Variants in SPOCK3 observed in about 807,000 individuals in gnomAD.
The protein encoded by SPOCK3 is testican-3.
In SPOCK3, 30 loss-of-function variants were observed where a neutral mutation model predicts 56.6. That is an observed-to-expected ratio of 0.53 (90% confidence interval 0.40 to 0.72). The LOEUF (loss-of-function observed/expected upper bound fraction) is 0.72, where lower values mean the gene tolerates loss of function less well. SPOCK3 is among the 30% of genes least tolerant of loss of function. SPOCK3 has a pLI of 0.00. For synonymous variants in SPOCK3, 196 were observed against 183.3 expected, an observed-to-expected ratio of 1.07 and a Z score of -0.56; for missense variants, 527 against 530.0, an observed-to-expected ratio of 0.99 and a Z score of 0.06.
rs546074756 is a variant in SPOCK3, at chr4:166,866,808, TA to T, written c.589+22321del. The stretch of plus-strand genomic sequence containing the variant: ...ACCTGCAAATATAAATAGGTTTCTC[TA>T]TTGAAAATCATTTTTAATCTTCATG... On this transcript the variant is annotated intron_variant, in intron 6 of 10. Coordinates refer to ENST00000357545, the MANE Select transcript of SPOCK3 (RefSeq NM_001040159.2). 2.8e-3 allele frequency among the ~76,000 whole-genome samples: 421 copies of T among 152,208 alleles called. 1 individual carries two copies. The highest frequency in any genetic ancestry group is 9.6e-3 in the African/African-American group (398 of 41,554).
chr4:166,835,399 C>T (rs1383386924), intron 6 of SPOCK3, among the ~76,000 whole-genome samples: 1 of 151,950 alleles, frequency 6.6e-6, no homozygotes, highest in African/African-American at 2.4e-5. Context: ...CCAAAGGAAA[C>T]AAAACAAATC....
At chr4:167,198,541 T>C (rs1234818514) in intron 2 of SPOCK3, among the ~76,000 whole-genome samples, 1 of 152,212 alleles carries the variant, frequency 6.6e-6, no homozygotes, top group Non-Finnish European at 1.5e-5. Context: ...ATTTGGTTGA[T>C]ACAAGGCCAG....
At position 166,900,309 on chromosome 4, in the gene SPOCK3, G is replaced by A. The variant is rs141560042; in HGVS notation, c.475-11065C>T. Among the ~76,000 whole-genome samples, 592 of 152,122 alleles carry A rather than the reference G, an allele frequency of 3.9e-3. 5 individuals carry two copies. Among genetic ancestry groups the A allele is most frequent in the African/African-American group, 0.014 (568 of 41,514 alleles). On this transcript the variant is annotated intron_variant, in intron 5 of 10. Coordinates refer to ENST00000357545, the MANE Select transcript of SPOCK3 (RefSeq NM_001040159.2). ...GTAGTTAAGCACTTTTCATGCTCCCGACCACCCACAAGAATCTGATATTGT... is the reference window on the plus strand; with the variant it reads ...GTAGTTAAGCACTTTTCATGCTCCCAACCACCCACAAGAATCTGATATTGT...
At chr4:166,741,117 T>G (rs1431732181) in intron 9 of SPOCK3, among the ~76,000 whole-genome samples, 1 of 152,178 alleles carries the variant, frequency 6.6e-6, no homozygotes, top group Non-Finnish European at 1.5e-5. Context: ...TGCCATTAAA[T>G]ACACGAGTGT....
intron 3 of SPOCK3, among the ~76,000 whole-genome samples, chr4:167,031,540 A>G (rs1752273676): frequency 6.6e-6 from 1 of 152,058 alleles, no homozygotes; most frequent in South Asian, 2.1e-4. Flanking sequence ...TGTTAAGTGA[A>G]CAGGGCAGAA....
rs1032568861 is a variant in SPOCK3 at position 166,734,348 on chromosome 4, T to G, written c.*573A>C. 1 of 151,890 alleles carries G rather than the reference T, an allele frequency of 6.6e-6. No individual in the cohort carries two copies. Among genetic ancestry groups the G allele is most frequent in the African/African-American group, 2.4e-5 (1 of 41,434 alleles). The allele number at this position is 151,890 out of a possible 1,614,324, so 9.4% of individuals were successfully genotyped here. On this transcript the variant is annotated 3_prime_UTR_variant, in exon 11 of 11. Transcript: ENST00000357545. Reference sequence around the variant, plus strand: ...AATGTCCTATTAGATCCAGAATAATTTCATAGGTAAAAACACCACTATTAA... The same window carrying G: ...AATGTCCTATTAGATCCAGAATAATGTCATAGGTAAAAACACCACTATTAA...
intron 2 of SPOCK3, among the ~76,000 whole-genome samples, chr4:167,201,409 A>G (rs1733504194): frequency 6.6e-6 from 1 of 151,974 alleles, no homozygotes; most frequent in Admixed American, 6.6e-5. Flanking sequence ...GAGAATTGGG[A>G]AGACAAAAAT....
chr4:166,764,873 A>G (rs1737763761), intron 7 of SPOCK3, among the ~76,000 whole-genome samples: 1 of 151,092 alleles, frequency 6.6e-6, no homozygotes, highest in Admixed American at 6.6e-5. Flanking sequence ...CTTTTTAATG[A>G]TCACCATTCT....
intron 2 of SPOCK3, among the ~76,000 whole-genome samples, chr4:167,063,702 G>C (rs970788858): frequency 6.6e-6 from 1 of 151,638 alleles, no homozygotes; most frequent in Non-Finnish European, 1.5e-5. Flanking sequence ...CAAGTATCTC[G>C]TGTATTATTT....
chr4:166,859,659 T>A (rs866333076), intron 6 of SPOCK3, among the ~76,000 whole-genome samples: 1 of 152,084 alleles, frequency 6.6e-6, no homozygotes, highest in Admixed American at 6.6e-5. Context: ...AAAATTATTA[T>A]TATGAATCAG....
intron 2 of SPOCK3, among the ~76,000 whole-genome samples, chr4:167,151,086 G>A (rs577548625): frequency 2.1e-4 from 32 of 152,266 alleles, no homozygotes; most frequent in African/African-American, 6.0e-4. Context: ...CTCAAATTGC[G>A]CTGCAAATTA....
At chr4:167,073,014 A>G (rs904194615) in intron 2 of SPOCK3, among the ~76,000 whole-genome samples, 1 of 151,790 alleles carries the variant, frequency 6.6e-6, no homozygotes, top group Admixed American at 6.6e-5. Flanking sequence ...CAAAATAACA[A>G]TACCAATATT....
At chr4:166,789,339 G>C (rs1396983521) in intron 7 of SPOCK3, among the ~76,000 whole-genome samples, 1 of 151,948 alleles carries the variant, frequency 6.6e-6, no homozygotes. Context: ...TAAGGTAGGA[G>C]AATCACCTGA....
intron 2 of SPOCK3, among the ~76,000 whole-genome samples, chr4:167,227,387 A>G (rs1736696128): frequency 6.6e-6 from 1 of 152,202 alleles, no homozygotes; most frequent in Admixed American, 6.5e-5. Flanking sequence ...ATAAAAGACA[A>G]CACAGCTCTA....
intron 2 of SPOCK3, among the ~76,000 whole-genome samples, chr4:167,151,574 A>G (rs888029315): frequency 6.6e-6 from 1 of 151,922 alleles, no homozygotes; most frequent in African/African-American, 2.4e-5. Context: ...AGGTGGGACT[A>G]CAGGCACCCG....
At chr4:167,098,519 C>G (rs548832792) in intron 2 of SPOCK3, among the ~76,000 whole-genome samples, 1 of 152,014 alleles carries the variant, frequency 6.6e-6, no homozygotes, top group South Asian at 2.1e-4. Flanking sequence ...TTAAAATTTT[C>G]AAAAATAATG....
intron 4 of SPOCK3, among the ~76,000 whole-genome samples, chr4:166,919,826 T>C (rs535664650): frequency 7.9e-5 from 12 of 152,196 alleles, no homozygotes; most frequent in African/African-American, 2.9e-4. Context: ...AAAAGCTATG[T>C]ATAGTTATCA....
chr4:166,846,646 A>G (rs1038312095), intron 6 of SPOCK3, among the ~76,000 whole-genome samples: 5 of 152,110 alleles, frequency 3.3e-5, no homozygotes, highest in African/African-American at 9.7e-5. Context: ...TTTAATTCAC[A>G]TACCTGAAAT....
At chr4:166,753,099 A>G (rs1165618673) in intron 8 of SPOCK3, among the ~76,000 whole-genome samples, 1 of 151,996 alleles carries the variant, frequency 6.6e-6, no homozygotes, top group African/African-American at 2.4e-5. Context: ...AAGATAAAGA[A>G]TTTATCGATT....
Sources: allele counts gnomAD v4.1 joint callset (sites outside exome capture counted in the v4.1 genomes callset), GRCh38; gene constraint gnomAD v4.1.1; transcripts MANE v1.5; gene names NCBI Gene and HGNC (gene_info 2026-07-23, HGNC 2026-07-21).